Variants in STARD6 observed in about 807,000 individuals in gnomAD.
STARD6 encodes StAR related lipid transfer domain containing 6, also known as stAR-related lipid transfer protein 6.
STARD6 carries 21 observed loss-of-function variants against 22.3 expected under a neutral mutation model. The ratio of observed to expected loss-of-function variants is 0.94; its 90% CI spans 0.67 to 1.35. The LOEUF (loss-of-function observed/expected upper bound fraction) is 1.35. Ranked by LOEUF, STARD6 falls within the 40% of genes most tolerant of loss-of-function variation. The pLI is 0.00. For synonymous variants in STARD6, 80 were observed against 88.1 expected, an observed-to-expected ratio of 0.91 and a Z score of 0.52; for missense variants, 269 against 266.9, an observed-to-expected ratio of 1.01 and a Z score of -0.05.
chr18:54,337,059 A>G, intron 5 of STARD6, 66 bp downstream of exon 5: 2 of 1,391,202 alleles, frequency 1.4e-6, no homozygotes, highest in Non-Finnish European at 9.8e-7. Flanking sequence ...GTTTTAATCA[A>G]CTCACTAAGG....
chr18:54,343,338 CGCCCGGCA>C (rs1356577200), intron 4 of STARD6, among the ~76,000 whole-genome samples: 1 of 141,908 alleles, frequency 7.0e-6, no homozygotes, highest in East Asian at 2.1e-4. Flanking sequence ...GGAGCATCTC[CGCCCGGCA>C]GCCACCCCGT....
At chr18:54,327,923 A>G (rs1051991697) in intron 7 of STARD6, among the ~76,000 whole-genome samples, 8 of 151,664 alleles carry the variant, frequency 5.3e-5, no homozygotes, top group African/African-American at 1.9e-4. Context: ...TCCAGAAATA[A>G]GAAAAATTCA....
intron 5 of STARD6, among the ~76,000 whole-genome samples, chr18:54,333,178 G>A (rs181931233): frequency 1.2e-4 from 19 of 152,230 alleles, no homozygotes; most frequent in East Asian, 1.9e-4. Flanking sequence ...GGCTGGGTGC[G>A]GTGGCTCACG....
chr18:54,351,343 C>G (rs2089094092), intron 4 of STARD6, among the ~76,000 whole-genome samples: 1 of 152,158 alleles, frequency 6.6e-6, no homozygotes, highest in Admixed American at 6.6e-5. Context: ...AAACTTTATT[C>G]ACTTATCAGA....
At chr18:54,338,428 G>A (rs1443599903) in intron 4 of STARD6, among the ~76,000 whole-genome samples, 1 of 152,140 alleles carries the variant, frequency 6.6e-6, no homozygotes, top group Non-Finnish European at 1.5e-5. Flanking sequence ...ATCCATAGGA[G>A]GCCAGGCTAA....
At chr18:54,329,093 T>C (rs1568165991) in intron 7 of STARD6, among the ~76,000 whole-genome samples, 1 of 152,150 alleles carries the variant, frequency 6.6e-6, no homozygotes, top group African/African-American at 2.4e-5. Context: ...GCTTAACTGC[T>C]GGGAAATGTT....
At chr18:54,346,005 G>C (rs1268343056) in intron 4 of STARD6, among the ~76,000 whole-genome samples, 1 of 152,132 alleles carries the variant, frequency 6.6e-6, no homozygotes, top group Non-Finnish European at 1.5e-5. Context: ...CCTTGGGTCA[G>C]CCAATTATTT....
At chr18:54,331,693 T>A (rs770404028) in intron 6 of STARD6, 49 bp downstream of exon 6, 2 of 1,239,308 alleles carry the variant, frequency 1.6e-6, no homozygotes, top group African/African-American at 3.0e-5. Flanking sequence ...AAAACATTTA[T>A]TAATGGCTCG....
At chr18:54,341,019 A>T (rs2088963778) in intron 4 of STARD6, among the ~76,000 whole-genome samples, 1 of 152,228 alleles carries the variant, frequency 6.6e-6, no homozygotes, top group African/African-American at 2.4e-5. Flanking sequence ...GGAGAAATAG[A>T]TAATTTCACA....
chr18:54,326,530 C>T (rs2088826790), intron 7 of STARD6, among the ~76,000 whole-genome samples: 1 of 151,346 alleles, frequency 6.6e-6, no homozygotes, highest in African/African-American at 2.4e-5. Flanking sequence ...TGGGGTTTCA[C>T]CATGTTGGCC....
At chr18:54,342,035 AAAAG>A (rs1330184034) in intron 4 of STARD6, among the ~76,000 whole-genome samples, 1 of 152,234 alleles carries the variant, frequency 6.6e-6, no homozygotes, top group Non-Finnish European at 1.5e-5. Context: ...TGTACGCAAA[AAAAG>A]AGAATAGACT....
intron 4 of STARD6, among the ~76,000 whole-genome samples, chr18:54,338,778 A>C (rs1015724245): frequency 1.8e-4 from 27 of 152,146 alleles, no homozygotes; most frequent in African/African-American, 6.3e-4. Context: ...GGACGGGCGC[A>C]GTGGCTCACT....
chr18:54,329,191 TAAG>T (rs2088846953), intron 7 of STARD6, among the ~76,000 whole-genome samples, 153 bp downstream of exon 7: 4 of 152,076 alleles, frequency 2.6e-5, no homozygotes, highest in Admixed American at 2.6e-4. Context: ...AAAACGATTA[TAAG>T]AAGTTATTTT....
intron 7 of STARD6, among the ~76,000 whole-genome samples, chr18:54,328,699 A>G (rs1016343650): frequency 6.6e-6 from 1 of 152,106 alleles, no homozygotes; most frequent in Admixed American, 6.5e-5. Flanking sequence ...TCACGTGCCA[A>G]TATCTTTTAC....
rs1166285877 is a variant in STARD6 at position 54,328,103 on chromosome 18, T to C, written c.479+1244A>G. On this transcript the variant is annotated intron_variant, in intron 7 of 7. Transcript: ENST00000307844. ...CTTGATTATGAGATTAAAAAAACCA[T>C]GGTGTATACATAGGGTTTGGTACTA... 2.6e-5 allele frequency among the ~76,000 whole-genome samples: 4 copies of C among 152,096 alleles called. 1 individual carries two copies. In the East Asian group the frequency reaches 7.7e-4, roughly 29 times the overall value.
chr18:54,338,468 G>A (rs1173510861), intron 4 of STARD6, among the ~76,000 whole-genome samples: 4 of 152,122 alleles, frequency 2.6e-5, no homozygotes, highest in Non-Finnish European at 1.5e-5. Context: ...AGTCAGAGCA[G>A]AGATATCAGA....
intron 7 of STARD6, among the ~76,000 whole-genome samples, chr18:54,326,118 C>T (rs1599293026): frequency 6.6e-6 from 1 of 152,082 alleles, no homozygotes; most frequent in East Asian, 1.9e-4. Flanking sequence ...TGTTCAAAAT[C>T]GCCCTTCTCT....
At chr18:54,356,632 A>G (rs1287469452) in intron 1 of STARD6, among the ~76,000 whole-genome samples, 188 bp from the exon 2 acceptor site, 1 of 152,246 alleles carries the variant, frequency 6.6e-6, no homozygotes, top group Non-Finnish European at 1.5e-5. Flanking sequence ...GATACTGTTT[A>G]TAAAAAGAAT....
intron 4 of STARD6, among the ~76,000 whole-genome samples, chr18:54,339,277 A>G (rs1209455504): frequency 6.6e-6 from 1 of 151,706 alleles, no homozygotes; most frequent in Non-Finnish European, 1.5e-5. Flanking sequence ...CTCTCAAAAC[A>G]AGAAAGGATA....
Sources: gnomAD v4.1 joint callset for allele counts (sites outside exome capture counted in the v4.1 genomes callset) on GRCh38, gnomAD v4.1.1 for gene constraint, MANE v1.5 for transcripts, NCBI Gene and HGNC (gene_info 2026-07-23, HGNC 2026-07-21) for gene names.